Variants in SORBS2 observed in about 807,000 individuals in gnomAD.
The protein encoded by SORBS2 is sorbin and SH3 domain-containing protein 2.
A neutral mutation model predicts 97.7 loss-of-function variants in SORBS2; 46 were observed. The observed-to-expected ratio is 0.47, with a 90% CI of 0.37 to 0.60. The LOEUF is 0.60. SORBS2 is among the 20% of genes least tolerant of loss of function. SORBS2 has a pLI of 0.00. For synonymous variants in SORBS2, 476 were observed against 473.4 expected, an observed-to-expected ratio of 1.01 and a Z score of -0.07; for missense variants, 1,316 against 1,282.3, an observed-to-expected ratio of 1.03 and a Z score of -0.40.
chr4:185,700,729 C>T (rs1289803288), intron 2 of SORBS2, among the ~76,000 whole-genome samples: 1 of 152,170 alleles, frequency 6.6e-6, no homozygotes, highest in Non-Finnish European at 1.5e-5. Context: ...GGGTTTAAGA[C>T]TTCAGAACTG....
intron 4 of SORBS2, 86 bp downstream of exon 7, chr4:185,678,337 A>G: frequency 9.0e-7 from 1 of 1,113,938 alleles, no homozygotes; most frequent in Non-Finnish European, 1.2e-6. Context: ...ACGTATTGAA[A>G]TACGCACATT....
intron 1 of SORBS2, among the ~76,000 whole-genome samples, chr4:185,889,776 C>A (rs1041142181): frequency 6.6e-6 from 1 of 152,130 alleles, no homozygotes; most frequent in Non-Finnish European, 1.5e-5. Context: ...TATAATGAGG[C>A]TCTCATCACT....
chr4:185,918,742 G>A (rs2099259536), intron 1 of SORBS2, among the ~76,000 whole-genome samples: 1 of 152,184 alleles, frequency 6.6e-6, no homozygotes, highest in Non-Finnish European at 1.5e-5. Flanking sequence ...ACCGAAAATA[G>A]TCTCATTATT....
chr4:185,916,160 G>C (rs539960940), intron 1 of SORBS2, among the ~76,000 whole-genome samples: 3 of 152,160 alleles, frequency 2.0e-5, no homozygotes, highest in Admixed American at 2.0e-4. Flanking sequence ...GTCATGGACC[G>C]GAGGGAAACA....
rs185250155 is a variant in SORBS2, at chr4:185,700,825, C to G, written c.-197-22003G>C. Reference sequence around the variant, plus strand: ...GACCTCACTTCTAGTTCTTACCCCCCACATATGTTCCCAGCATTCTTCATT... The same window carrying G: ...GACCTCACTTCTAGTTCTTACCCCCGACATATGTTCCCAGCATTCTTCATT... On this transcript the variant is annotated intron_variant, in intron 2 of 20. Coordinates refer to the SORBS2 transcript ENST00000284776. Among the ~76,000 whole-genome samples, 9 of 152,288 alleles carry G rather than the reference C, an allele frequency of 5.9e-5. No individual in the cohort carries two copies. In the East Asian group the frequency reaches 1.5e-3, roughly 26 times the overall value.
chr4:185,783,463 T>C (rs896060454), intron 1 of SORBS2, among the ~76,000 whole-genome samples: 10 of 152,212 alleles, frequency 6.6e-5, no homozygotes, highest in South Asian at 2.1e-4. Flanking sequence ...AGCAACCTCA[T>C]TGGTTTACCT....
intron 1 of SORBS2, among the ~76,000 whole-genome samples, chr4:185,903,196 G>A (rs1489318139): frequency 1.3e-5 from 2 of 152,054 alleles, no homozygotes; most frequent in East Asian, 1.9e-4. Context: ...ATTTTGGGGG[G>A]GCATGCCATA....
chr4:185,882,418 C>T (rs1336338389), intron 1 of SORBS2, among the ~76,000 whole-genome samples: 38 of 152,014 alleles, frequency 2.5e-4, no homozygotes. Context: ...CTATAAAACA[C>T]TGATAAAAGA....
chr4:185,929,435 C>T (rs565785173), intron 1 of SORBS2, among the ~76,000 whole-genome samples: 2 of 152,212 alleles, frequency 1.3e-5, no homozygotes, highest in East Asian at 3.9e-4. Flanking sequence ...GAGTTTAAAG[C>T]AGAGTACAAG....
upstream of SORBS2, among the ~76,000 whole-genome samples, chr4:185,659,325 G>A (rs1488480727): frequency 6.6e-6 from 1 of 152,152 alleles, no homozygotes; most frequent in African/African-American, 2.4e-5. Flanking sequence ...TGTCAAAGAA[G>A]ACATGGTGGT....
At position 185,651,174 on chromosome 4, in the gene SORBS2, G is replaced by A. The variant is rs190632318; in HGVS notation, c.91+1488C>T. Among the ~76,000 whole-genome samples the A allele has an allele frequency of 6.6e-4, 100 of 152,302 alleles. 3 individuals carry two copies. The East Asian group carries it at 0.015, about 22-fold the overall frequency. ...AACACTCAGGAGAAAGTGATGAAGG[G>A]AAAAACATTTGTCAGGGGTCCCTCC... On this transcript the variant is annotated intron_variant, in intron 2 of 14. Transcript: ENST00000418609.
At chr4:185,874,833 C>G (rs1340701182) in intron 1 of SORBS2, among the ~76,000 whole-genome samples, 6 of 105,784 alleles carry the variant, frequency 5.7e-5, no homozygotes, top group Non-Finnish European at 8.8e-5. Flanking sequence ...AGTTAAAGCA[C>G]TATTATTGGT....
At chr4:185,697,776 A>G (rs1388196482) in intron 2 of SORBS2, among the ~76,000 whole-genome samples, 2 of 152,288 alleles carry the variant, frequency 1.3e-5, no homozygotes, top group East Asian at 3.9e-4. Context: ...AGTGCCTCTG[A>G]TTTCCCACCT....
intron 1 of SORBS2, among the ~76,000 whole-genome samples, chr4:185,792,148 G>A (rs1175796155): frequency 6.6e-6 from 1 of 152,058 alleles, no homozygotes; most frequent in Non-Finnish European, 1.5e-5. Context: ...ATTTCCTTTG[G>A]CCCCATTCTA....
chr4:185,737,009 G>A (rs923052559), intron 2 of SORBS2, among the ~76,000 whole-genome samples: 1 of 152,012 alleles, frequency 6.6e-6, no homozygotes, highest in African/African-American at 2.4e-5. Context: ...TCTGAGTTCC[G>A]GGTTGCTCTT....
chr4:185,948,396 C>T (rs2099275547), intron 1 of SORBS2, among the ~76,000 whole-genome samples: 1 of 151,838 alleles, frequency 6.6e-6, no homozygotes. Flanking sequence ...ATCCATCTAT[C>T]TTTCTGTTCA....
At chr4:185,940,619 C>T (rs769765772) in intron 1 of SORBS2, among the ~76,000 whole-genome samples, 3 of 152,202 alleles carry the variant, frequency 2.0e-5, no homozygotes, top group Admixed American at 1.3e-4. Flanking sequence ...AGGGTCTTCA[C>T]TGCCCTTCAG....
chr4:185,803,201 A>G (rs543251106), intron 1 of SORBS2, among the ~76,000 whole-genome samples: 1 of 152,252 alleles, frequency 6.6e-6, no homozygotes, highest in South Asian at 2.1e-4. Flanking sequence ...ATGCAATACC[A>G]TGACTGAGGA....
At chr4:185,932,242 G>A (rs66566645) in intron 1 of SORBS2, among the ~76,000 whole-genome samples, 1 of 151,404 alleles carries the variant, frequency 6.6e-6, no homozygotes, top group Non-Finnish European at 1.5e-5. Context: ...AGCTACGAAG[G>A]GGGCAGTGGA....
Sources: allele counts gnomAD v4.1 joint callset (sites outside exome capture counted in the v4.1 genomes callset), GRCh38; gene constraint gnomAD v4.1.1; transcripts MANE v1.5; gene names NCBI Gene and HGNC (gene_info 2026-07-23, HGNC 2026-07-21).